CA11: variants seen among roughly 807,000 people sequenced by gnomAD.
CA11 encodes the protein carbonic anhydrase-related protein 11.
In CA11, 20 loss-of-function variants were observed where a neutral mutation model predicts 39.3. The ratio of observed to expected loss-of-function variants is 0.51; its 90% confidence interval spans 0.36 to 0.74. CA11 has a LOEUF of 0.74. Among genes scored for constraint, CA11 ranks in the 30% least tolerant of loss-of-function variants. CA11 has a pLI of 0.00. For synonymous variants in CA11, 166 were observed against 172.5 expected, an observed-to-expected ratio of 0.96 and a Z score of 0.29; for missense variants, 336 against 424.6, an observed-to-expected ratio of 0.79 and a Z score of 1.83.
chr19:48,638,392 G>T, intron 8 of CA11: 3 of 832,958 alleles, frequency 3.6e-6, no homozygotes, highest in Non-Finnish European at 4.5e-6. Flanking sequence ...GGGGGGTGTG[G>T]ACTGTACCAT....
chr19:48,639,177 G>A, intron 7 of CA11, 124 bp from the exon 8 acceptor site: 1 of 1,522,752 alleles, frequency 6.6e-7, no homozygotes, highest in Admixed American at 1.8e-5. Context: ...CCACCCCCAA[G>A]GTGGTCTGAC....
At position 48,637,998 on chromosome 19, in the gene CA11, G is replaced by T; in HGVS notation, c.*121C>A. The T allele has an allele frequency of 1.5e-6, 1 of 646,316 alleles. No homozygotes were observed. Among genetic ancestry groups the T allele is most frequent in the Non-Finnish European group, 2.4e-6 (1 of 413,022 alleles). The allele number at this position is 646,316 out of a possible 1,614,324, so 40.0% of individuals were successfully genotyped here. On this transcript the variant is annotated 3_prime_UTR_variant, in exon 9 of 9. Transcript: ENST00000084798. The stretch of plus-strand genomic sequence containing the variant: ...CCCAAATGTTTCCCCACCGCGCCTA[G>T]AATCAGACCACTGAGAAAACAGGAA...
chr19:48,645,673 C>G lies in CA11; in HGVS notation c.-41G>C. The stretch of plus-strand genomic sequence containing the variant: ...GAGGGACCCCTGCCCAACGCCCTGC[C>G]CCCCTCTCTCAGCTCCTCTGTCCCC... On this transcript the variant is annotated 5_prime_UTR_variant, in exon 1 of 9. Transcript: ENST00000084798. 6.9e-7 allele frequency: 1 copy of G among 1,449,616 alleles called. No homozygotes were observed. The highest frequency in any genetic ancestry group is 9.2e-7 in the Non-Finnish European group (1 of 1,088,592). 89.8% of individuals were successfully genotyped at this position (1,449,616 alleles called of 1,614,324 possible). A position where few individuals can be genotyped will look rare whatever the true frequency, so the allele number is the denominator to read the frequency against.
chr19:48,640,230 T>C lies in CA11; in HGVS notation c.336A>G (p.Ala112=), dbSNP rs769953178. The change falls in exon 4 of 9, where the codon GCA becomes GCG. Residue 112 remains alanine (A), a synonymous_variant. Coordinates refer to ENST00000084798, the MANE Select transcript of CA11 (RefSeq NM_001217.5). The part of the protein sequence containing the change: ...NTGRHVSFLP[A]PRPVVNVSGG... ...CAGACACATTGACCACAGGTCGGGGTGCAGGCAGGAAGGAGACATGTCGGC... is the reference window on the plus strand; with the variant it reads ...CAGACACATTGACCACAGGTCGGGGCGCAGGCAGGAAGGAGACATGTCGGC... 1.2e-6 allele frequency: 2 copies of C among 1,613,842 alleles called. No individual in the cohort carries two copies. Among genetic ancestry groups the C allele is most frequent in the Non-Finnish European group, 1.7e-6 (2 of 1,179,984 alleles).
In CA11 at chr19:48,639,352, C is replaced by G; in HGVS notation, c.748G>C (p.Val250Leu). Residue 250 changes from valine to leucine, a missense_variant, in exon 7 of 9, where the codon GTC becomes CTC. Coordinates refer to ENST00000084798, the MANE Select transcript of CA11 (RefSeq NM_001217.5). Reference sequence around the variant, plus strand: ...GCCCGGTCAATGAGGATCCAGGTGACAGTCTCGGAGCAGGGCGGGGTGCTG... The same window carrying G: ...GCCCGGTCAATGAGGATCCAGGTGAGAGTCTCGGAGCAGGGCGGGGTGCTG... ...SLSTPPCSET[V>L]TWILIDRALN... 6.2e-7 allele frequency: 1 copy of G among 1,613,668 alleles called. No individual in the cohort carries two copies. The highest frequency in any genetic ancestry group is 8.5e-7 in the Non-Finnish European group (1 of 1,179,940).
At chr19:48,638,391 G>A in intron 8 of CA11, 1 of 826,418 alleles carries the variant, frequency 1.2e-6, no homozygotes, top group South Asian at 4.7e-5. Context: ...GGGGGGGTGT[G>A]GACTGTACCA....
In CA11 at chr19:48,645,686, C is replaced by T. The variant is rs1377053696; in HGVS notation, c.-54G>A. The T allele has an allele frequency of 1.5e-6, 2 of 1,373,220 alleles. No homozygotes were observed. Among genetic ancestry groups the T allele is most frequent in the African/African-American group, 1.5e-5 (1 of 68,270 alleles). The allele number at this position is 1,373,220 out of a possible 1,614,324, so 85.1% of individuals were successfully genotyped here. ...CCAACGCCCTGCCCCCCTCTCTCAG[C>T]TCCTCTGTCCCCTCCTTCTGGGACC... On this transcript the variant is annotated 5_prime_UTR_variant, in exon 1 of 9. Transcript: ENST00000084798.
Position 48,643,192 on chromosome 19 carries a change from T to C in CA11, c.285+1235A>G, listed in dbSNP as rs113532424. 7.9e-5 allele frequency among the ~76,000 whole-genome samples: 12 copies of C among 152,178 alleles called. 2 individuals are homozygous for C. The highest frequency in any genetic ancestry group is 2.9e-4 in the African/African-American group (12 of 41,502). On this transcript the variant is annotated intron_variant, in intron 3 of 8. Transcript: ENST00000084798. The surrounding 1 kb of genome is among the most constrained non-coding windows in gnomAD (Gnocchi z 4.3). ...CTTTCTTTCTCGCTCTCTCTCTTTC[T>C]TTTCTCTCCCTCTCTCTCTGTATTT...
At chr19:48,638,450 G>A (rs1474096957) in intron 8 of CA11, 10 of 987,848 alleles carry the variant, frequency 1.0e-5, no homozygotes, top group African/African-American at 1.7e-5. Context: ...ACCACAGGGA[G>A]GCAGAGGTGG....
chr19:48,641,533 C>G lies in CA11; in HGVS notation c.286-1253G>C, dbSNP rs11880333. ...ATCACATAAGTAACTGCTTAATTAA[C>G]TACATCCTGAGCTCATGTTTGGGGG... On this transcript the variant is annotated intron_variant, in intron 3 of 8. Coordinates refer to ENST00000084798, the MANE Select transcript of CA11 (RefSeq NM_001217.5). 2.0e-5 allele frequency among the ~76,000 whole-genome samples: 3 copies of G among 152,132 alleles called. No homozygotes were observed. In the South Asian group the frequency reaches 6.2e-4, roughly 31 times the overall value.
Position 48,645,466 on chromosome 19 carries a change from G to C in CA11, c.79C>G (p.Pro27Ala), listed in dbSNP as rs766344020. ...CACCAGTCCTCGGGGTCAGGTGCTG[G>C]TCCGATGTGAGCTGGGAAGAGAGCA... ...AALGAAAHIG[P>A]APDPEDWWSY... Residue 27 changes from proline (P) to alanine (A), a missense_variant, in exon 2 of 9, where the codon CCA becomes GCA. Pro to Ala is a conservative substitution (Grantham distance 27). Transcript: ENST00000084798. The C allele has an allele frequency of 1.2e-6, 2 of 1,603,720 alleles. No homozygotes were observed. The highest frequency in any genetic ancestry group is 1.7e-6 in the Non-Finnish European group (2 of 1,174,784).
intron 3 of CA11, among the ~76,000 whole-genome samples, chr19:48,641,170 G>C (rs1406428500): frequency 6.6e-6 from 1 of 151,736 alleles, no homozygotes; most frequent in Non-Finnish European, 1.5e-5. Context: ...AGTAGAGACA[G>C]GGTTTCACTG....
chr19:48,645,815 C>A lies in CA11; in HGVS notation c.-183G>T. On this transcript the variant is annotated 5_prime_UTR_variant, in exon 1 of 9. Transcript: ENST00000084798. ...CTGAGATCCGCCCTTCAAACCCACT[C>A]TTCTTCTCTCTCCCGTCTCTCTGTG... 1 of 547,910 alleles carries A rather than the reference C, an allele frequency of 1.8e-6. No homozygotes were observed. Among genetic ancestry groups the A allele is most frequent in the Non-Finnish European group, 3.2e-6 (1 of 312,882 alleles). The allele number at this position is 547,910 out of a possible 1,614,324, so 33.9% of individuals were successfully genotyped here. A position where few individuals can be genotyped will look rare whatever the true frequency, so the allele number is the denominator to read the frequency against.
chr19:48,638,375 G>GGGC (rs1555745075), intron 8 of CA11: 37 of 82,604 alleles, frequency 4.5e-4, no homozygotes, highest in Non-Finnish European at 4.6e-4. Flanking sequence ...AGGTCTTCAT[G>GGGC]GGGGGGGGGG....
intron 3 of CA11, among the ~76,000 whole-genome samples, chr19:48,642,616 G>A (rs552152682): frequency 6.8e-6 from 1 of 148,112 alleles, no homozygotes; most frequent in East Asian, 1.9e-4. Flanking sequence ...CCTAATAGGA[G>A]GATTTTGAGC....
chr19:48,640,679 T>C (rs1296850791), intron 3 of CA11, among the ~76,000 whole-genome samples: 6 of 144,668 alleles, frequency 4.1e-5, no homozygotes, highest in Non-Finnish European at 7.6e-5. Context: ...CGGTCTTTTT[T>C]TTTTTTCTGG....
In CA11 at chr19:48,638,897, G is replaced by T. The variant is rs766068045; in HGVS notation, c.952C>A (p.Arg318Ser). 3.1e-6 allele frequency: 5 copies of T among 1,592,264 alleles called. No individual in the cohort carries two copies. Among genetic ancestry groups the T allele is most frequent in the Admixed American group, 3.6e-5 (2 of 56,054 alleles). The part of the protein sequence containing the change: ...PERRCRGPNY[R>S]LHVDGVPHGR ...GCAGACTGGACCATACCATGCAGGC[G>T]GTAGTTGGGGCCTCGGCAGCGCCTC... Residue 318 changes from arginine (R) to serine (S), a missense_variant, in exon 8 of 9, where the codon CGC becomes AGC. Coordinates refer to ENST00000084798, the MANE Select transcript of CA11 (RefSeq NM_001217.5).
At position 48,644,302 on chromosome 19, in the gene CA11, C is replaced by T. The variant is rs186481474; in HGVS notation, c.285+125G>A. The T allele has an allele frequency of 5.0e-6, 4 of 805,878 alleles. No individual in the cohort carries two copies. In the African/African-American group the frequency reaches 6.9e-5, roughly 14 times the overall value. The allele number at this position is 805,878 out of a possible 1,614,324, so 49.9% of individuals were successfully genotyped here. A position where few individuals can be genotyped will look rare whatever the true frequency, so the allele number is the denominator to read the frequency against. On this transcript the variant is annotated intron_variant, in intron 3 of 8. Coordinates refer to ENST00000084798, the MANE Select transcript of CA11 (RefSeq NM_001217.5). ...TCCATTTTACAGTGTAAGCAGCCTC[C>T]TCTCCACCCACTGGGTGTCCCCTCC...
At chr19:48,644,622 C>T (rs1165581023) in intron 2 of CA11, 53 bp from the exon 3 acceptor site, 5 of 1,429,494 alleles carry the variant, frequency 3.5e-6, no homozygotes, top group Non-Finnish European at 4.7e-6. Flanking sequence ...GAGACTGGAT[C>T]CCAGGGCTGG....
Sources: allele counts gnomAD v4.1 joint callset (sites outside exome capture counted in the v4.1 genomes callset), GRCh38; gene constraint gnomAD v4.1.1; non-coding constraint Gnocchi (gnomAD v3.1); transcripts MANE v1.5; gene names NCBI Gene and HGNC (gene_info 2026-07-23, HGNC 2026-07-21).